Variants in CFAP74 observed in about 807,000 individuals in gnomAD.
The protein encoded by CFAP74 is cilia- and flagella-associated protein 74.
In CFAP74, 124 loss-of-function variants were observed where a neutral mutation model predicts 188.9. The observed-to-expected ratio is 0.66, with a 90% confidence interval of 0.57 to 0.76. CFAP74 has a LOEUF of 0.76. Ranked by LOEUF, CFAP74 falls within the 30% of genes least tolerant of loss-of-function variation. The probability of loss-of-function intolerance (pLI) is 0.00; values close to 1 mark genes in which losing one functional copy is unlikely to be tolerated. For synonymous variants in CFAP74, 956 were observed against 916.7 expected, an observed-to-expected ratio of 1.04 and a Z score of -0.77; for missense variants, 2,198 against 2,165.2, an observed-to-expected ratio of 1.02 and a Z score of -0.30.
At chr1:1,947,270 C>T (rs546406866) in intron 18 of CFAP74, among the ~76,000 whole-genome samples, 90 of 152,368 alleles carry the variant, frequency 5.9e-4, no homozygotes, top group African/African-American at 2.1e-3. Context: ...AAGCCCTTTC[C>T]CAAAGACCCC....
intron 16 of CFAP74, among the ~76,000 whole-genome samples, chr1:1,957,408 A>C (rs768711239): frequency 6.6e-6 from 1 of 152,214 alleles, no homozygotes; most frequent in Non-Finnish European, 1.5e-5. Context: ...CGTGGTTCGC[A>C]GAGGGCGGTC....
intron 19 of CFAP74, 71 bp from the exon 20 acceptor site, chr1:1,946,510 A>C: frequency 6.9e-7 from 1 of 1,450,498 alleles, no homozygotes; most frequent in Non-Finnish European, 9.1e-7. Context: ...AACCCTCACA[A>C]TGGCATGTTG....
intron 2 of CFAP74, 23 bp downstream of exon 2, chr1:1,990,867 T>C: frequency 6.3e-7 from 1 of 1,596,772 alleles, no homozygotes; most frequent in Non-Finnish European, 8.5e-7. Context: ...AAACTTCCGT[T>C]ACTGTGAAAG....
At chr1:1,970,921 A>G (rs890568263) in intron 9 of CFAP74, 105 bp from the exon 10 acceptor site, 6 of 1,302,036 alleles carry the variant, frequency 4.6e-6, no homozygotes, top group South Asian at 2.6e-5. Context: ...GCACACGTGC[A>G]CACACGTGCA....
At chr1:1,928,499 C>G (rs575822493) in intron 27 of CFAP74, among the ~76,000 whole-genome samples, 27 of 152,332 alleles carry the variant, frequency 1.8e-4, no homozygotes, top group African/African-American at 6.3e-4. Context: ...TGGAGGGGCC[C>G]TTCATTGCAT....
chr1:1,968,603 G>C lies in CFAP74; in HGVS notation c.1245+32C>G. 6.3e-7 allele frequency: 1 copy of C among 1,590,460 alleles called. No homozygotes were observed. On this transcript the variant is annotated intron_variant, in intron 11 of 38. Transcript: ENST00000682832. This position sits in a 1 kb window ranked among gnomAD's most constrained non-coding sequence, Gnocchi z 4.3. ...CCCCACCTGCCCTCCACAGGTGTGC[G>C]GCTTCTGTCTACAGGAAGGCGTTTT...
rs1044741070 is a variant in CFAP74 at position 1,974,131 on chromosome 1, C to G, written c.568G>C (p.Glu190Gln). 1 of 1,612,834 alleles carries G rather than the reference C, an allele frequency of 6.2e-7. No homozygotes were observed. Among genetic ancestry groups the G allele is most frequent in the East Asian group, 2.2e-5 (1 of 44,820 alleles). Residue 190 changes from glutamate to glutamine, a missense_variant, in exon 7 of 39, where the codon GAG becomes CAG. Glu to Gln is a conservative substitution (Grantham distance 29, BLOSUM62 2). Coordinates refer to ENST00000682832, the MANE Select transcript of CFAP74 (RefSeq NM_001304360.2). ...AGCCGCCGCCCCGTGGCCTCCACCTCCTCACGGTCAGCTGTCCGGAAGGCC... is the reference window on the plus strand; with the variant it reads ...AGCCGCCGCCCCGTGGCCTCCACCTGCTCACGGTCAGCTGTCCGGAAGGCC... ...LEAFRTADRE[E>Q]VEATGRRLQV...
At chr1:1,952,488 T>C (rs531633253) in intron 18 of CFAP74, among the ~76,000 whole-genome samples, 1 of 151,182 alleles carries the variant, frequency 6.6e-6, no homozygotes, top group South Asian at 2.1e-4. Flanking sequence ...TCAAAGACTG[T>C]CAGACTGGAT....
At chr1:1,928,642 T>C in intron 27 of CFAP74, 142 bp downstream of exon 27, 1 of 619,966 alleles carries the variant, frequency 1.6e-6, no homozygotes, top group South Asian at 2.0e-5. Context: ...CAGATACAGC[T>C]CGACACGTGC....
At chr1:1,985,570 T>C in intron 5 of CFAP74, 80 bp from the exon 6 acceptor site, 1 of 1,113,718 alleles carries the variant, frequency 9.0e-7, no homozygotes, top group Non-Finnish European at 1.4e-6. Flanking sequence ...TGGCACTCCC[T>C]GGCCTCCTCT....
At chr1:2,001,312 G>A (rs1273151578) in intron 1 of CFAP74, among the ~76,000 whole-genome samples, 1 of 151,590 alleles carries the variant, frequency 6.6e-6, no homozygotes, top group Non-Finnish European at 1.5e-5. Context: ...TTGTGTTTTT[G>A]TTTTGTTTTG....
At chr1:1,926,556 G>C in intron 30 of CFAP74, 44 bp from the exon 31 acceptor site, 3 of 1,549,574 alleles carry the variant, frequency 1.9e-6, no homozygotes, top group Non-Finnish European at 2.6e-6. Flanking sequence ...CCAGGCCCCA[G>C]GGAGCGTCTC....
Position 1,968,611 on chromosome 1 carries a change from T to G in CFAP74, c.1245+24A>C. 2 of 1,605,050 alleles carry G rather than the reference T, an allele frequency of 1.2e-6. No homozygotes were observed. Among genetic ancestry groups the G allele is most frequent in the African/African-American group, 1.3e-5 (1 of 74,838 alleles). ...GCCCTCCACAGGTGTGCGGCTTCTG[T>G]CTACAGGAAGGCGTTTTGCTCACCA... On this transcript the variant is annotated intron_variant, in intron 11 of 38. Transcript: ENST00000682832. The surrounding 1 kb of genome is among the most constrained non-coding windows in gnomAD (Gnocchi z 4.3).
rs1570870424 is a variant in CFAP74, at chr1:1,942,252, G to C, written c.2487-96C>G. ...TTATTAAAACATTTCTGGCACCCAA[G>C]CCCCCGAGAGGTGCTCAGAGCCCAC... On this transcript the variant is annotated intron_variant, in intron 21 of 38. Coordinates refer to ENST00000682832, the MANE Select transcript of CFAP74 (RefSeq NM_001304360.2). This position sits in a 1 kb window ranked among gnomAD's most constrained non-coding sequence, Gnocchi z 4.3. The C allele has an allele frequency of 1.6e-6, 2 of 1,281,604 alleles. No homozygotes were observed. Among genetic ancestry groups the C allele is most frequent in the South Asian group, 4.0e-5 (2 of 50,348 alleles). 79.4% of individuals were successfully genotyped at this position (1,281,604 alleles called of 1,614,324 possible).
At chr1:1,956,904 G>T in intron 16 of CFAP74, 120 bp from the exon 17 acceptor site, 1 of 967,972 alleles carries the variant, frequency 1.0e-6, no homozygotes, top group South Asian at 1.6e-5. Context: ...GTTGTGCACT[G>T]CACAAGCAGG....
chr1:1,943,794 C>A (rs1570874772), intron 21 of CFAP74, among the ~76,000 whole-genome samples: 1 of 152,220 alleles, frequency 6.6e-6, no homozygotes, highest in Admixed American at 6.5e-5. Context: ...CTCTCCACGT[C>A]CTGGAGGTCA....
At chr1:1,934,894 TACAC>T (rs373603069) in intron 25 of CFAP74, among the ~76,000 whole-genome samples, 1,473 of 73,006 alleles carry the variant, frequency 0.02, 2 homozygotes, top group East Asian at 0.025. Context: ...AGGTTGTAGG[TACAC>T]ACGTGTGTAC....
chr1:1,924,428 C>A lies in CFAP74; in HGVS notation c.4197G>T (p.Gln1399His), dbSNP rs1418118970. ...TRGRGQQQLP[Q>H]FLSSPSQRTE... ...TCCTCTGGGAGGGCGAGCTGAGGAACTGCGGCAGCTGCTGCTGGCCCCGGC... is the reference window on the plus strand; with the variant it reads ...TCCTCTGGGAGGGCGAGCTGAGGAAATGCGGCAGCTGCTGCTGGCCCCGGC... The change falls in exon 34 of 39, where the codon CAG becomes CAT. Residue 1399 changes from glutamine (Q) to histidine (H), a missense_variant. By Grantham distance (24) the Gln-to-His change is conservative (BLOSUM62 0). Transcript: ENST00000682832. 2.9e-6 allele frequency: 4 copies of A among 1,392,704 alleles called. No homozygotes were observed. The highest frequency in any genetic ancestry group is 4.6e-5 in the Admixed American group (2 of 43,518). 86.3% of individuals were successfully genotyped at this position (1,392,704 alleles called of 1,614,324 possible).
chr1:1,994,474 A>T (rs1657805669), intron 1 of CFAP74, among the ~76,000 whole-genome samples: 2 of 152,224 alleles, frequency 1.3e-5, no homozygotes, highest in African/African-American at 4.8e-5. Flanking sequence ...CTTACAAAGA[A>T]ACAATTGCAT....
Sources: gnomAD v4.1 joint callset for allele counts (sites outside exome capture counted in the v4.1 genomes callset) on GRCh38, gnomAD v4.1.1 for gene constraint, Gnocchi (gnomAD v3.1) non-coding constraint, MANE v1.5 for transcripts, NCBI Gene and HGNC (gene_info 2026-07-23, HGNC 2026-07-21) for gene names.